The following RASGRF2 variants were observed in gnomAD, a reference collection of about 807,000 sequenced individuals.
RASGRF2 encodes ras-specific guanine nucleotide-releasing factor 2.
Under a neutral mutation model 151.0 loss-of-function variants are expected in RASGRF2, and 76 were observed. The observed-to-expected ratio is 0.50, with a 90% CI of 0.42 to 0.61. The LOEUF (loss-of-function observed/expected upper bound fraction) is 0.61. Among genes scored for constraint, RASGRF2 ranks in the 20% least tolerant of loss-of-function variants. The pLI, the probability that RASGRF2 is intolerant of heterozygous loss-of-function variation, is 0.00. For missense variants in RASGRF2, 1,148 were observed against 1,564.6 expected (o/e 0.73, Z 4.49); for synonymous variants, 504 against 566.5 (o/e 0.89, Z 1.57).
intron 1 of RASGRF2, among the ~76,000 whole-genome samples, chr5:80,983,097 C>G (rs1006857649): frequency 6.6e-6 from 1 of 152,200 alleles, no homozygotes; most frequent in East Asian, 1.9e-4. Flanking sequence ...TTGCAAATGT[C>G]TTTGTTAATC....
At chr5:81,176,683 C>T (rs1050176476) in intron 17 of RASGRF2, among the ~76,000 whole-genome samples, 6 of 152,146 alleles carry the variant, frequency 3.9e-5, no homozygotes, top group South Asian at 2.1e-4. Flanking sequence ...ATGTGTTCCT[C>T]GGCAGAGGTT....
At chr5:81,007,291 T>G (rs748509404) in intron 1 of RASGRF2, among the ~76,000 whole-genome samples, 2 of 152,220 alleles carry the variant, frequency 1.3e-5, no homozygotes, top group Non-Finnish European at 2.9e-5. Flanking sequence ...TTATTTCCTG[T>G]GTTGGAGGAA....
Position 80,961,679 on chromosome 5 carries a change from G to T in RASGRF2, c.288+653G>T, listed in dbSNP as rs187187184. Among the ~76,000 whole-genome samples the T allele has an allele frequency of 2.6e-5, 4 of 152,336 alleles. No individual in the cohort carries two copies. The East Asian group carries it at 7.7e-4, about 29-fold the overall frequency. On this transcript the variant is annotated intron_variant, in intron 1 of 26. Coordinates refer to ENST00000265080, the MANE Select transcript of RASGRF2 (RefSeq NM_006909.3). ...CCACATTCTTGCTATGTTTAAAAAT[G>T]TGGGCATTTTTAAAGAACGCTTCTG...
intron 17 of RASGRF2, among the ~76,000 whole-genome samples, chr5:81,178,544 T>C (rs1014939231): frequency 6.6e-6 from 1 of 152,176 alleles, no homozygotes; most frequent in Non-Finnish European, 1.5e-5. Context: ...CTAATTTGCT[T>C]GTAGGTAATC....
At chr5:81,112,955 T>C in intron 14 of RASGRF2, 97 bp downstream of exon 14, 1 of 1,481,298 alleles carries the variant, frequency 6.8e-7, no homozygotes. Flanking sequence ...GCAAAGCAGC[T>C]CCTAGGGTGT....
intron 1 of RASGRF2, among the ~76,000 whole-genome samples, chr5:81,036,870 G>A (rs185662695): frequency 6.6e-6 from 1 of 152,196 alleles, no homozygotes; most frequent in South Asian, 2.1e-4. Flanking sequence ...ATACATACAA[G>A]GACTTCCTTA....
In RASGRF2 at chr5:81,198,196, CT is replaced by C. The variant is rs768655344; in HGVS notation, c.2794-3131del. Among the ~76,000 whole-genome samples, 13 of 151,978 alleles carry C rather than the reference CT, an allele frequency of 8.6e-5. No individual in the cohort carries two copies. In the East Asian group the frequency reaches 2.5e-3, roughly 29 times the overall value. On this transcript the variant is annotated intron_variant, in intron 18 of 26. Transcript: ENST00000265080. ...GTTTTGTGTGGCGCTGAGATTTGGGCTTTATTGATCTCATCACCCAGATAGT... is the reference window on the plus strand; with the variant it reads ...GTTTTGTGTGGCGCTGAGATTTGGGCTTATTGATCTCATCACCCAGATAGT...
chr5:81,148,696 A>G, intron 17 of RASGRF2, among the ~76,000 whole-genome samples: 1 of 150,776 alleles, frequency 6.6e-6, no homozygotes. Context: ...AGGGGGAGGG[A>G]TAGCATTAGG....
rs555797691 is a variant in RASGRF2 at position 81,160,782 on chromosome 5, G to A, written c.2687-19393G>A. ...ACTACTTGGGAGGCTGAGATGGGAG[G>A]ATGGCTTGAGGCCAGGTGGTTGAGG... is the stretch of plus-strand genomic sequence containing the variant. On this transcript the variant is annotated intron_variant, in intron 17 of 26. Transcript: ENST00000265080. Among the ~76,000 whole-genome samples the A allele has an allele frequency of 8.6e-5, 13 of 151,762 alleles. No individual in the cohort carries two copies. The South Asian group carries it at 2.5e-3, about 29-fold the overall frequency.
At chr5:80,982,334 A>G (rs1250794340) in intron 1 of RASGRF2, among the ~76,000 whole-genome samples, 2 of 152,124 alleles carry the variant, frequency 1.3e-5, no homozygotes. Context: ...GGGGTTAGTA[A>G]AGGCTATACA....
chr5:81,085,935 G>C, intron 8 of RASGRF2, 24 bp downstream of exon 8: 1 of 1,613,788 alleles, frequency 6.2e-7, no homozygotes, highest in African/African-American at 1.3e-5. Flanking sequence ...TTATAACAAA[G>C]GCTTGGGAGA....
At chr5:80,969,192 G>A (rs958338215) in intron 1 of RASGRF2, among the ~76,000 whole-genome samples, 7 of 137,836 alleles carry the variant, frequency 5.1e-5, no homozygotes, top group African/African-American at 8.3e-5. Context: ...GTGCAGTGGC[G>A]CCATCTCAGC....
intron 17 of RASGRF2, among the ~76,000 whole-genome samples, chr5:81,151,566 T>C (rs1754136668): frequency 6.6e-6 from 1 of 152,134 alleles, no homozygotes; most frequent in Admixed American, 6.6e-5. Context: ...ATTCCAAGAA[T>C]GGAAAGGCAG....
At chr5:81,042,336 A>G (rs370138420) in intron 1 of RASGRF2, among the ~76,000 whole-genome samples, 1 of 152,214 alleles carries the variant, frequency 6.6e-6, no homozygotes, top group African/African-American at 2.4e-5. Context: ...ACAGAATTGC[A>G]AGGCTACCTC....
intron 12 of RASGRF2, among the ~76,000 whole-genome samples, chr5:81,096,943 T>C (rs1184779563): frequency 8.3e-5 from 12 of 143,968 alleles, no homozygotes; most frequent in Non-Finnish European, 1.8e-4. Context: ...ATCTGTTTTT[T>C]CTGTTTTTTT....
At chr5:81,006,393 G>T (rs558143909) in intron 1 of RASGRF2, among the ~76,000 whole-genome samples, 33 of 152,202 alleles carry the variant, frequency 2.2e-4, no homozygotes, top group Non-Finnish European at 3.2e-4. Context: ...TTTGAGTTAA[G>T]TGGTTTTGGT....
intron 12 of RASGRF2, among the ~76,000 whole-genome samples, chr5:81,098,803 C>T (rs1319089088): frequency 6.6e-6 from 1 of 152,152 alleles, no homozygotes; most frequent in Non-Finnish European, 1.5e-5. Context: ...CAAGCATTTT[C>T]CTTTTATAGG....
chr5:81,096,095 AC>A (rs1376532106), intron 12 of RASGRF2: 1 of 152,158 alleles, frequency 6.6e-6, no homozygotes, highest in Non-Finnish European at 1.5e-5. Context: ...AGCGCTCTAA[AC>A]ATCCTCTACA....
At position 81,100,006 on chromosome 5, in the gene RASGRF2, C is replaced by T. The variant is rs1384034146; in HGVS notation, c.1755+5014C>T. Among the ~76,000 whole-genome samples, 4 of 148,434 alleles carry T rather than the reference C, an allele frequency of 2.7e-5. No individual in the cohort carries two copies. In the Admixed American group the frequency reaches 2.8e-4, roughly 10 times the overall value. On this transcript the variant is annotated intron_variant, in intron 12 of 26. Transcript: ENST00000265080. ...CACTGCAAGCTCCGCCTCCCGGGTT[C>T]ACGCCATTCTCCTGCGTCAGCCTCC...
Sources: gnomAD v4.1 joint callset for allele counts (sites outside exome capture counted in the v4.1 genomes callset) on GRCh38, gnomAD v4.1.1 for gene constraint, MANE v1.5 for transcripts, NCBI Gene and HGNC (gene_info 2026-07-23, HGNC 2026-07-21) for gene names.